Variants in NKAIN3 observed in about 807,000 individuals in gnomAD.
The protein encoded by NKAIN3 is sodium/potassium transporting ATPase interacting 3.
NKAIN3 carries 25 observed loss-of-function variants against 30.2 expected under a neutral mutation model. That is an observed-to-expected ratio of 0.83 (90% CI 0.60 to 1.16). The LOEUF is 1.16. NKAIN3 is among the 50% of genes most tolerant of loss of function. NKAIN3 has a pLI of 0.00. For synonymous variants in NKAIN3, 91 were observed against 89.6 expected (o/e 1.02, Z -0.09); for missense variants, 225 against 254.1 (o/e 0.89, Z 0.78).
chr8:62,863,890 A>G lies in NKAIN3; in HGVS notation c.472-54563A>G. On this transcript the variant is annotated intron_variant, in intron 4 of 6. Transcript: ENST00000623646. Reference sequence around the variant, plus strand: ...AGTAGTCCGCAGGGTCCTCTTGCTCATCATCTGATCCAGGATCTCCTCCTT... The same window carrying G: ...AGTAGTCCGCAGGGTCCTCTTGCTCGTCATCTGATCCAGGATCTCCTCCTT... The G allele has an allele frequency of 2.9e-6, 4 of 1,396,034 alleles. No homozygotes were observed. The South Asian group carries it at 4.6e-5, about 16-fold the overall frequency. 86.5% of individuals were successfully genotyped at this position (1,396,034 alleles called of 1,614,324 possible).
chr8:62,799,725 A>G (rs555134128), intron 4 of NKAIN3, among the ~76,000 whole-genome samples: 1 of 152,226 alleles, frequency 6.6e-6, no homozygotes. Flanking sequence ...AAGTCATTAT[A>G]TAAAAAAGAT....
intron 1 of NKAIN3, among the ~76,000 whole-genome samples, chr8:62,328,621 C>CA (rs1202534352): frequency 2.6e-5 from 4 of 151,984 alleles, no homozygotes. Flanking sequence ...CTTAACATCT[C>CA]AGAGATTATA....
At chr8:62,860,860 T>C (rs1820217947) in intron 4 of NKAIN3, among the ~76,000 whole-genome samples, 1 of 152,226 alleles carries the variant, frequency 6.6e-6, no homozygotes, top group South Asian at 2.1e-4. Flanking sequence ...TAAATCTAGA[T>C]ATTTCTACTC....
At chr8:62,941,231 C>G (rs549895584) in intron 5 of NKAIN3, among the ~76,000 whole-genome samples, 41 of 152,066 alleles carry the variant, frequency 2.7e-4, no homozygotes, top group African/African-American at 9.6e-4. Flanking sequence ...AGACCAATAA[C>G]AAGCAGCAAG....
intron 3 of NKAIN3, among the ~76,000 whole-genome samples, chr8:62,621,655 C>A (rs1407923663): frequency 1.3e-5 from 2 of 152,046 alleles, no homozygotes; most frequent in Non-Finnish European, 2.9e-5. Context: ...CATGCAGTTG[C>A]ATGAAATAAT....
At chr8:62,907,035 G>T (rs990316337) in intron 4 of NKAIN3, among the ~76,000 whole-genome samples, 1 of 152,208 alleles carries the variant, frequency 6.6e-6, no homozygotes, top group Non-Finnish European at 1.5e-5. Flanking sequence ...GAATAACTTT[G>T]TTCAAAATGC....
At chr8:62,906,956 G>C (rs1315423467) in intron 4 of NKAIN3, among the ~76,000 whole-genome samples, 1 of 152,158 alleles carries the variant, frequency 6.6e-6, no homozygotes. Context: ...CAGGCAGAGA[G>C]TGGAACAGTT....
chr8:62,401,655 G>A (rs376979379), intron 1 of NKAIN3, among the ~76,000 whole-genome samples: 202 of 152,226 alleles, frequency 1.3e-3, no homozygotes, highest in African/African-American at 4.6e-3. Flanking sequence ...GGAACCCCAC[G>A]CCCAGTAACT....
At chr8:62,329,179 G>A (rs1252353453) in intron 1 of NKAIN3, among the ~76,000 whole-genome samples, 1 of 151,888 alleles carries the variant, frequency 6.6e-6, no homozygotes, top group Non-Finnish European at 1.5e-5. Context: ...CTCATCAGTG[G>A]CCTTGAGCCA....
At chr8:62,674,920 C>T (rs1813424774) in intron 3 of NKAIN3, among the ~76,000 whole-genome samples, 1 of 152,172 alleles carries the variant, frequency 6.6e-6, no homozygotes, top group African/African-American at 2.4e-5. Flanking sequence ...GTCTGGCATC[C>T]AGTTCTTCAG....
At chr8:62,845,283 G>GA (rs1819645285) in intron 4 of NKAIN3, among the ~76,000 whole-genome samples, 1 of 21,872 alleles carries the variant, frequency 4.6e-5, no homozygotes, top group Non-Finnish European at 1.2e-4. Flanking sequence ...CTGGATAGTA[G>GA]ATTATATATA....
intron 4 of NKAIN3, among the ~76,000 whole-genome samples, chr8:62,827,046 A>C (rs1240627495): frequency 3.9e-5 from 6 of 152,256 alleles, no homozygotes; most frequent in Non-Finnish European, 8.8e-5. Flanking sequence ...AAAGGTAAAT[A>C]ATAGATAAAT....
intron 4 of NKAIN3, among the ~76,000 whole-genome samples, chr8:62,794,884 T>C (rs1008598082): frequency 6.6e-6 from 1 of 152,172 alleles, no homozygotes; most frequent in Non-Finnish European, 1.5e-5. Context: ...CTGCTGCTTC[T>C]TTTATTGCCT....
At chr8:62,306,187 G>C (rs1313992494) in intron 1 of NKAIN3, among the ~76,000 whole-genome samples, 4 of 150,016 alleles carry the variant, frequency 2.7e-5, no homozygotes, top group Non-Finnish European at 5.9e-5. Flanking sequence ...TCCTCTTTAA[G>C]TGCAGACTTT....
intron 1 of NKAIN3, among the ~76,000 whole-genome samples, chr8:62,548,078 G>T (rs1347999119): frequency 6.6e-6 from 1 of 152,052 alleles, no homozygotes; most frequent in African/African-American, 2.4e-5. Context: ...CTAATCTCTT[G>T]CCTTGTTCAT....
intron 4 of NKAIN3, among the ~76,000 whole-genome samples, chr8:62,846,308 T>A (rs1474415505): frequency 1.3e-5 from 2 of 152,124 alleles, no homozygotes; most frequent in African/African-American, 2.4e-5. Context: ...TTTTTCCAGT[T>A]GATTTTTTTT....
intron 3 of NKAIN3, among the ~76,000 whole-genome samples, chr8:62,618,962 A>G (rs1014975233): frequency 6.6e-6 from 1 of 152,168 alleles, no homozygotes; most frequent in Non-Finnish European, 1.5e-5. Flanking sequence ...GGGAAAGTGA[A>G]GAGAAAGAGA....
chr8:62,320,447 G>A (rs951893063), intron 1 of NKAIN3, among the ~76,000 whole-genome samples: 9 of 152,114 alleles, frequency 5.9e-5, no homozygotes, highest in African/African-American at 1.7e-4. Flanking sequence ...TTACAATTTG[G>A]CATGTTTTTG....
intron 1 of NKAIN3, among the ~76,000 whole-genome samples, chr8:62,520,338 G>C (rs1808117260): frequency 6.6e-6 from 1 of 152,048 alleles, no homozygotes; most frequent in Non-Finnish European, 1.5e-5. Context: ...TCAGGATTTT[G>C]ATTTAGTTAC....
Sources: allele counts gnomAD v4.1 joint callset (sites outside exome capture counted in the v4.1 genomes callset), GRCh38; gene constraint gnomAD v4.1.1; transcripts MANE v1.5; gene names NCBI Gene and HGNC (gene_info 2026-07-23, HGNC 2026-07-21).